TLN2: variants seen among roughly 807,000 people sequenced by gnomAD.
TLN2 encodes the protein talin 2.
A neutral mutation model predicts 294.7 loss-of-function variants in TLN2; 118 were observed. The ratio of observed to expected loss-of-function variants is 0.40; its 90% CI spans 0.34 to 0.47. The LOEUF (loss-of-function observed/expected upper bound fraction) is 0.47, where lower values mean the gene tolerates loss of function less well. Ranked by LOEUF, TLN2 falls within the 20% of genes least tolerant of loss-of-function variation. The pLI is 0.84. For missense variants in TLN2, 3,083 were observed against 3,282.2 expected (o/e 0.94, Z 1.48); for synonymous variants, 1,431 against 1,304.5 (o/e 1.10, Z -2.09).
At chr15:62,838,753 A>G in intron 57 of TLN2, 103 bp from the exon 58 acceptor site, 1 of 1,445,300 alleles carries the variant, frequency 6.9e-7, no homozygotes, top group Non-Finnish European at 9.4e-7. Context: ...TAATTGGATA[A>G]TCAATTGACT....
chr15:62,716,274 T>A, intron 22 of TLN2, 57 bp from the exon 23 acceptor site: 1 of 1,460,774 alleles, frequency 6.8e-7, no homozygotes, highest in Non-Finnish European at 9.1e-7. Context: ...ACTGAAGGCA[T>A]GAATTCAGTG....
intron 2 of TLN2, among the ~76,000 whole-genome samples, chr15:62,596,669 T>A (rs1262975910): frequency 6.6e-6 from 1 of 150,666 alleles, no homozygotes; most frequent in Non-Finnish European, 1.5e-5. Context: ...ACTTGGGAGG[T>A]AGAGGTTGCA....
chr15:62,775,436 C>T (rs1182974968), intron 42 of TLN2, among the ~76,000 whole-genome samples: 1 of 152,146 alleles, frequency 6.6e-6, no homozygotes, highest in Non-Finnish European at 1.5e-5. Context: ...AGCTATCAAC[C>T]CAAATTACCA....
intron 1 of TLN2, among the ~76,000 whole-genome samples, chr15:62,552,805 CAA>C (rs1194767167): frequency 3.9e-5 from 6 of 152,154 alleles, no homozygotes; most frequent in Non-Finnish European, 2.9e-5. Context: ...GATTGGCTAA[CAA>C]AAATTTTGTG....
chr15:62,656,009 C>G lies in TLN2; in HGVS notation c.583C>G (p.Leu195Val). Reference sequence around the variant, plus strand: ...AGTAGATGAAAACGAAACGTTGCTGCTTAGACGGAAGTTCTTTTACTCTGA... The same window carrying G: ...AGTAGATGAAAACGAAACGTTGCTGGTTAGACGGAAGTTCTTTTACTCTGA... ...QGVDENETLL[L>V]RRKFFYSDQN... The change falls in exon 8 of 59, where the codon CTT becomes GTT. Residue 195 changes from leucine to valine, a missense_variant. Coordinates refer to ENST00000636159, the MANE Select transcript of TLN2 (RefSeq NM_015059.3). 6.2e-7 allele frequency: 1 copy of G among 1,614,156 alleles called. No individual in the cohort carries two copies. Among genetic ancestry groups the G allele is most frequent in the South Asian group, 1.1e-5 (1 of 91,086 alleles).
chr15:62,652,035 C>T lies in TLN2; in HGVS notation c.265C>T (p.Pro89Ser). Residue 89 changes from proline (P) to serine (S), a missense_variant, in exon 6 of 59, where the codon CCT becomes TCT. Transcript: ENST00000636159. ...TTTGGAATATAAAAAGAAACAGAGA[C>T]CTCAGAAAATCCGGATGCTGGATGG... Reference protein sequence around the residue: ...DILEYKKKQRPQKIRMLDGSV... With the variant: ...DILEYKKKQRSQKIRMLDGSV... The T allele has an allele frequency of 1.2e-6, 2 of 1,610,994 alleles. No individual in the cohort carries two copies. Among genetic ancestry groups the T allele is most frequent in the Non-Finnish European group, 1.7e-6 (2 of 1,178,170 alleles).
rs1439583206 is a variant in TLN2 at position 62,469,541 on chromosome 15, C to T, written c.-238+78856C>T. Among the ~76,000 whole-genome samples, 4 of 152,152 alleles carry T rather than the reference C, an allele frequency of 2.6e-5. No individual in the cohort carries two copies. In the East Asian group the frequency reaches 7.7e-4, roughly 29 times the overall value. On this transcript the variant is annotated intron_variant, in intron 1 of 58. Transcript: ENST00000636159. ...TGCAGAGGAAGACTAGTTGTTCTGC[C>T]ATTGGGAAATAGGGCCTGAATGGAT...
chr15:62,763,556 C>T lies in TLN2; in HGVS notation c.4962-7C>T, dbSNP rs2062808509. 7.5e-6 allele frequency: 12 copies of T among 1,602,180 alleles called. No homozygotes were observed. Among genetic ancestry groups the T allele is most frequent in the East Asian group, 4.5e-5 (2 of 44,520 alleles). ...AGCCTGTGTCCAACTTGCACTATTC[C>T]TTCCAGGGACAAGGCCCCTGGACAG... On this transcript the variant is annotated splice_polypyrimidine_tract_variant and splice_region_variant and intron_variant, in intron 39 of 58. Coordinates refer to ENST00000636159, the MANE Select transcript of TLN2 (RefSeq NM_015059.3).
At chr15:62,402,609 G>A (rs1566944627) in intron 1 of TLN2, among the ~76,000 whole-genome samples, 1 of 152,136 alleles carries the variant, frequency 6.6e-6, no homozygotes, top group African/African-American at 2.4e-5. Flanking sequence ...TGATGATCCT[G>A]CCTAGAGAAA....
intron 1 of TLN2, among the ~76,000 whole-genome samples, chr15:62,395,553 C>T: frequency 6.6e-6 from 1 of 152,168 alleles, no homozygotes; most frequent in East Asian, 1.9e-4. Context: ...GTTTGGAGCA[C>T]ACGTGCCATG....
At chr15:62,579,651 C>G (rs140159822) in intron 1 of TLN2, among the ~76,000 whole-genome samples, 1 of 152,190 alleles carries the variant, frequency 6.6e-6, no homozygotes, top group South Asian at 2.1e-4. Flanking sequence ...AGGAACGTGT[C>G]CCCTGAAGAG....
intron 1 of TLN2, among the ~76,000 whole-genome samples, chr15:62,563,461 A>T (rs1421934590): frequency 6.6e-6 from 1 of 151,758 alleles, no homozygotes; most frequent in East Asian, 1.9e-4. Flanking sequence ...CTTCTTGTTT[A>T]TTTGAGTTTG....
intron 1 of TLN2, among the ~76,000 whole-genome samples, chr15:62,557,780 A>G (rs1222076739): frequency 6.6e-6 from 1 of 152,156 alleles, no homozygotes; most frequent in Non-Finnish European, 1.5e-5. Context: ...ACCTCAAGTG[A>G]TCCACCCACC....
At chr15:62,801,710 C>G (rs1303090652) in intron 50 of TLN2, among the ~76,000 whole-genome samples, 1 of 152,192 alleles carries the variant, frequency 6.6e-6, no homozygotes, top group Non-Finnish European at 1.5e-5. Context: ...CAGGAGTAAC[C>G]TAAAAGCTGG....
At chr15:62,834,915 C>A (rs936936270) in intron 55 of TLN2, 2 of 152,190 alleles carry the variant, frequency 1.3e-5, no homozygotes, top group East Asian at 1.9e-4. Context: ...AACGAACTTA[C>A]GTGTTCAAGC....
intron 9 of TLN2, among the ~76,000 whole-genome samples, chr15:62,669,562 G>A (rs1384482876): frequency 6.6e-6 from 1 of 152,172 alleles, no homozygotes; most frequent in Non-Finnish European, 1.5e-5. Flanking sequence ...TTTAAGGTGA[G>A]AACAATTTAA....
chr15:62,527,812 A>C (rs745933285), intron 1 of TLN2, among the ~76,000 whole-genome samples: 1 of 152,178 alleles, frequency 6.6e-6, no homozygotes, highest in Non-Finnish European at 1.5e-5. Flanking sequence ...GTACAAGATG[A>C]CCATTACTGA....
At position 62,530,178 on chromosome 15, in the gene TLN2, G is replaced by A. The variant is rs186049646; in HGVS notation, c.-237-59509G>A. On this transcript the variant is annotated intron_variant, in intron 1 of 58. Transcript: ENST00000636159. Reference sequence around the variant, plus strand: ...TGCACTCCAGCCTGGGTGACAGAGCGAGACTCTGTCTCAAAAGATAAATAA... The same window carrying A: ...TGCACTCCAGCCTGGGTGACAGAGCAAGACTCTGTCTCAAAAGATAAATAA... 2.0e-3 allele frequency among the ~76,000 whole-genome samples: 311 copies of A among 152,244 alleles called. 4 individuals are homozygous for A. In the South Asian group the frequency reaches 0.03, roughly 15 times the overall value.
At chr15:62,636,093 G>T (rs931719198) in intron 3 of TLN2, among the ~76,000 whole-genome samples, 1 of 152,100 alleles carries the variant, frequency 6.6e-6, no homozygotes, top group Non-Finnish European at 1.5e-5. Context: ...ACTTACATGT[G>T]TTAGCTGCTA....
Sources: allele counts gnomAD v4.1 joint callset (sites outside exome capture counted in the v4.1 genomes callset), GRCh38; gene constraint gnomAD v4.1.1; transcripts MANE v1.5; gene names NCBI Gene and HGNC (gene_info 2026-07-23, HGNC 2026-07-21).